SORBS2: variants seen among roughly 807,000 people sequenced by gnomAD.
SORBS2 encodes sorbin and SH3 domain containing 2, also known as sorbin and SH3 domain-containing protein 2.
A neutral mutation model predicts 97.7 loss-of-function variants in SORBS2; 46 were observed. The observed-to-expected ratio is 0.47, with a 90% confidence interval of 0.37 to 0.60. The LOEUF is 0.60. Among genes scored for constraint, SORBS2 ranks in the 20% least tolerant of loss-of-function variants. The pLI is 0.00. For synonymous variants in SORBS2, 476 were observed against 473.4 expected, an observed-to-expected ratio of 1.01 and a Z score of -0.07; for missense variants, 1,316 against 1,282.3, an observed-to-expected ratio of 1.03 and a Z score of -0.40.
At chr4:185,590,483 A>T (rs12503994) in intron 13 of SORBS2, among the ~76,000 whole-genome samples, 1 of 152,224 alleles carries the variant, frequency 6.6e-6, no homozygotes, top group Admixed American at 6.5e-5. Context: ...TTCTATGTGC[A>T]GTTATTACTG....
intron 1 of SORBS2, among the ~76,000 whole-genome samples, chr4:185,925,609 TATG>T (rs778138904): frequency 6.6e-6 from 1 of 152,156 alleles, no homozygotes; most frequent in East Asian, 1.9e-4. Flanking sequence ...TTTGGAAATA[TATG>T]ATGATGACTG....
chr4:185,701,080 AT>A (rs1287571514), intron 2 of SORBS2, among the ~76,000 whole-genome samples: 10 of 152,176 alleles, frequency 6.6e-5, no homozygotes, highest in African/African-American at 2.4e-4. Context: ...ACTTTTTGAG[AT>A]TGTTAGTTGG....
chr4:185,811,560 T>C (rs1329511815), intron 1 of SORBS2, 104 bp downstream of exon 1: 1 of 152,240 alleles, frequency 6.6e-6, no homozygotes, highest in Non-Finnish European at 1.5e-5. Flanking sequence ...TCTGTGTATG[T>C]TTGTTTGGTA....
intron 12 of SORBS2, among the ~76,000 whole-genome samples, chr4:185,597,851 C>A (rs9991068): frequency 0.11 from 16,222 of 152,122 alleles, 1,498 homozygotes; most frequent in African/African-American, 0.24. Flanking sequence ...TATCCAAGTT[C>A]CCAAGGCTGG....
At position 185,670,297 on chromosome 4, in the gene SORBS2, C is replaced by T. The variant is rs1582341965; in HGVS notation, c.-45-8055G>A. Among the ~76,000 whole-genome samples the T allele has an allele frequency of 2.6e-5, 4 of 152,086 alleles. No homozygotes were observed. In the South Asian group the frequency reaches 8.3e-4, roughly 32 times the overall value. ...ATAATGTGTGAGTGTTAATAACGTG[C>T]GTTTCAACTTTTCAAAAAAATTCTA... On this transcript the variant is annotated intron_variant, in intron 4 of 20. Coordinates refer to the SORBS2 transcript ENST00000284776.
In SORBS2 at chr4:185,638,404, A is replaced by G. The variant is rs1205539084; in HGVS notation, c.397-7806T>C. ...CCTGCGTCCATCGTTTCTGATTGGCATAAGTTGTGGGCAACTCTTGCTTGA... is the reference window on the plus strand; with the variant it reads ...CCTGCGTCCATCGTTTCTGATTGGCGTAAGTTGTGGGCAACTCTTGCTTGA... On this transcript the variant is annotated intron_variant, in intron 4 of 14. Coordinates refer to ENST00000418609, the Ensembl canonical transcript of SORBS2. Among the ~76,000 whole-genome samples, 6 of 152,282 alleles carry G rather than the reference A, an allele frequency of 3.9e-5. No homozygotes were observed. The South Asian group carries it at 6.2e-4, about 16-fold the overall frequency.
At chr4:185,597,303 T>C (rs972535258) in intron 12 of SORBS2, among the ~76,000 whole-genome samples, 1 of 152,172 alleles carries the variant, frequency 6.6e-6, no homozygotes, top group Non-Finnish European at 1.5e-5. Context: ...AGGGATTCCA[T>C]GAAGGATACA....
At chr4:185,641,956 A>G (rs1272636602) in intron 4 of SORBS2, among the ~76,000 whole-genome samples, 1 of 152,202 alleles carries the variant, frequency 6.6e-6, no homozygotes, top group African/African-American at 2.4e-5. Context: ...TTTTGTGGTT[A>G]TCGAGATTCC....
intron 1 of SORBS2, among the ~76,000 whole-genome samples, chr4:185,895,849 C>A (rs1007172887): frequency 6.6e-6 from 1 of 152,174 alleles, no homozygotes; most frequent in East Asian, 1.9e-4. Flanking sequence ...TCTGGCCAAT[C>A]CCTTCATTGT....
chr4:185,769,098 A>G (rs2098954454), intron 2 of SORBS2, among the ~76,000 whole-genome samples: 1 of 77,280 alleles, frequency 1.3e-5, no homozygotes, highest in Non-Finnish European at 2.7e-5. Flanking sequence ...AAAAAAGTCA[A>G]CCCTTAGCAT....
chr4:185,778,925 A>G (rs1167121492), intron 1 of SORBS2, among the ~76,000 whole-genome samples: 3 of 152,236 alleles, frequency 2.0e-5, no homozygotes, highest in Admixed American at 2.0e-4. Flanking sequence ...TTCCGGCCTT[A>G]AATAAACGAG....
intron 1 of SORBS2, among the ~76,000 whole-genome samples, chr4:185,926,437 T>C (rs899141304): frequency 6.6e-6 from 1 of 151,760 alleles, no homozygotes; most frequent in East Asian, 1.9e-4. Context: ...ATTTTTGGTA[T>C]CTGGCATGAT....
intron 2 of SORBS2, among the ~76,000 whole-genome samples, chr4:185,765,684 G>A (rs1056577546): frequency 5.3e-5 from 8 of 152,124 alleles, no homozygotes; most frequent in Non-Finnish European, 8.8e-5. Flanking sequence ...AAATACATCC[G>A]TTAATTCTTA....
At chr4:185,785,143 T>C (rs2099050067) in intron 1 of SORBS2, among the ~76,000 whole-genome samples, 1 of 151,730 alleles carries the variant, frequency 6.6e-6, no homozygotes, top group Non-Finnish European at 1.5e-5. Flanking sequence ...AAATTGAAGA[T>C]GAAATGTGTC....
chr4:185,770,092 T>TC (rs1433610590), intron 2 of SORBS2, among the ~76,000 whole-genome samples: 1 of 151,752 alleles, frequency 6.6e-6, no homozygotes, highest in African/African-American at 2.4e-5. Context: ...TTTTTTTTTT[T>TC]TTTTGAGACG....
intron 1 of SORBS2, among the ~76,000 whole-genome samples, chr4:185,915,740 T>G (rs1271360332): frequency 2.6e-5 from 4 of 151,868 alleles, no homozygotes; most frequent in Non-Finnish European, 4.4e-5. Flanking sequence ...GAAGGAGAGA[T>G]ATTAATACTC....
chr4:185,613,009 A>C (rs1420441536), intron 11 of SORBS2, among the ~76,000 whole-genome samples: 2 of 152,218 alleles, frequency 1.3e-5, no homozygotes, highest in African/African-American at 4.8e-5. Context: ...CAATGATAGA[A>C]CTTTCTAGAA....
chr4:185,751,521 G>C (rs2098800253), intron 2 of SORBS2, among the ~76,000 whole-genome samples: 1 of 152,192 alleles, frequency 6.6e-6, no homozygotes, highest in Non-Finnish European at 1.5e-5. Context: ...GATGAGGGCA[G>C]ATGAGGACTG....
Position 185,607,166 on chromosome 4 carries a change from C to T in SORBS2, c.2796+4614G>A. ...TGGTCAGCTGACAAGGTTAAAGCACCAAGCTTCTCCAATTCACCCAAGAAG... is the reference window on the plus strand; with the variant it reads ...TGGTCAGCTGACAAGGTTAAAGCACTAAGCTTCTCCAATTCACCCAAGAAG... On this transcript the variant is annotated intron_variant, in intron 12 of 14. Coordinates refer to ENST00000418609, the Ensembl canonical transcript of SORBS2. This position sits in a 1 kb window ranked among gnomAD's most constrained non-coding sequence, Gnocchi z 5.2. 2 of 1,117,690 alleles carry T rather than the reference C, an allele frequency of 1.8e-6. No individual in the cohort carries two copies. The highest frequency in any genetic ancestry group is 2.2e-6 in the Non-Finnish European group (2 of 905,716). The allele number at this position is 1,117,690 out of a possible 1,614,324, so 69.2% of individuals were successfully genotyped here. A position where few individuals can be genotyped will look rare whatever the true frequency, so the allele number is the denominator to read the frequency against.
Sources: gnomAD v4.1 joint callset for allele counts (sites outside exome capture counted in the v4.1 genomes callset) on GRCh38, gnomAD v4.1.1 for gene constraint, Gnocchi (gnomAD v3.1) non-coding constraint, MANE v1.5 for transcripts, NCBI Gene and HGNC (gene_info 2026-07-23, HGNC 2026-07-21) for gene names.